Variants in MYO5B observed in about 807,000 individuals in gnomAD.
The protein encoded by MYO5B is unconventional myosin-Vb.
MYO5B carries 143 observed loss-of-function variants against 229.3 expected under a neutral mutation model. The observed-to-expected ratio is 0.62, with a 90% CI of 0.54 to 0.72. The LOEUF (loss-of-function observed/expected upper bound fraction) is 0.72, where lower values mean the gene tolerates loss of function less well. Among genes scored for constraint, MYO5B ranks in the 30% least tolerant of loss-of-function variants. MYO5B has a pLI of 0.00. For synonymous variants in MYO5B, 918 were observed against 885.2 expected (o/e 1.04, Z -0.66); for missense variants, 2,321 against 2,331.0 (o/e 1.00, Z 0.09).
At chr18:49,870,224 G>A (rs1181188203) in intron 27 of MYO5B, among the ~76,000 whole-genome samples, 4 of 152,192 alleles carry the variant, frequency 2.6e-5, no homozygotes, top group African/African-American at 9.7e-5. Flanking sequence ...ATGGTGCTGG[G>A]AAACCGGACA....
At chr18:49,892,074 A>G (rs943358312) in intron 22 of MYO5B, among the ~76,000 whole-genome samples, 5 of 152,192 alleles carry the variant, frequency 3.3e-5, no homozygotes, top group Admixed American at 1.3e-4. Context: ...CTCTGTGCCT[A>G]GGGCAGCCCT....
intron 33 of MYO5B, among the ~76,000 whole-genome samples, chr18:49,846,172 C>G (rs2024123581): frequency 6.6e-6 from 1 of 152,200 alleles, no homozygotes; most frequent in African/African-American, 2.4e-5. Context: ...AAAGCCAACC[C>G]TGATGAACTT....
intron 1 of MYO5B, among the ~76,000 whole-genome samples, chr18:50,076,022 C>A (rs2031070187): frequency 6.6e-6 from 1 of 152,156 alleles, no homozygotes; most frequent in Admixed American, 6.5e-5. Context: ...CAAGGAAAAC[C>A]CCTGTTAACC....
At chr18:50,003,443 A>G (rs959067968) in intron 4 of MYO5B, among the ~76,000 whole-genome samples, 2 of 152,316 alleles carry the variant, frequency 1.3e-5, no homozygotes, top group African/African-American at 4.8e-5. Context: ...CAACATTGAA[A>G]GGTAGCCTCT....
chr18:50,102,310 A>G (rs1234278786), intron 1 of MYO5B, among the ~76,000 whole-genome samples: 1 of 152,028 alleles, frequency 6.6e-6, no homozygotes, highest in Non-Finnish European at 1.5e-5. Context: ...CCACATACTT[A>G]TGTAACAAAC....
At chr18:50,018,350 T>C (rs564710834) in intron 4 of MYO5B, among the ~76,000 whole-genome samples, 112 of 152,256 alleles carry the variant, frequency 7.4e-4, no homozygotes, top group Admixed American at 1.8e-3. Context: ...TGCATTTGCA[T>C]GTATATTTTC....
chr18:50,114,907 T>A (rs1192695000), intron 1 of MYO5B, among the ~76,000 whole-genome samples: 1 of 152,304 alleles, frequency 6.6e-6, no homozygotes, highest in East Asian at 1.9e-4. Flanking sequence ...CAGACCAAAG[T>A]TGGGTGAAGC....
chr18:49,863,098 T>C (rs1033158747), intron 29 of MYO5B, 129 bp downstream of exon 29: 4 of 758,714 alleles, frequency 5.3e-6, no homozygotes, highest in Non-Finnish European at 9.2e-6. Context: ...AGTCTTTCTG[T>C]GTCCTCTAAT....
At chr18:49,895,232 A>T in intron 21 of MYO5B, 58 bp from the exon 22 acceptor site, 2 of 1,441,138 alleles carry the variant, frequency 1.4e-6, no homozygotes, top group Non-Finnish European at 1.9e-6. Flanking sequence ...AGAAAAGGTT[A>T]TTTTACCAGG....
chr18:50,063,216 G>A (rs985757958), intron 1 of MYO5B, among the ~76,000 whole-genome samples: 7 of 152,068 alleles, frequency 4.6e-5, no homozygotes, highest in Non-Finnish European at 7.4e-5. Context: ...CTCCCCCAGC[G>A]GCGAGCCATG....
At chr18:50,111,530 G>C (rs1261091145) in intron 1 of MYO5B, among the ~76,000 whole-genome samples, 1 of 152,132 alleles carries the variant, frequency 6.6e-6, no homozygotes, top group East Asian at 1.9e-4. Context: ...TGTTCCTTGG[G>C]TAAATTTAGA....
chr18:49,980,541 G>A lies in MYO5B; in HGVS notation c.959C>T (p.Ser320Phe). The A allele has an allele frequency of 6.2e-7, 1 of 1,611,836 alleles. No homozygotes were observed. Among genetic ancestry groups the A allele is most frequent in the Non-Finnish European group, 8.5e-7 (1 of 1,177,974 alleles). The change falls in exon 9 of 40, where the codon TCC (serine) becomes TTC (phenylalanine). Residue 320 changes from serine (S) to phenylalanine (F), a missense_variant. Ser to Phe is a radical substitution (Grantham distance 155). Coordinates refer to ENST00000285039, the MANE Select transcript of MYO5B (RefSeq NM_001080467.3). ...QAFTLLGVKE[S>F]HQMSIFKIIA... ...TATCTTAAAAATGCTCATCTGATGGGACTCTTTCACTCCTGGAAAAGAAAA... is the reference window on the plus strand; with the variant it reads ...TATCTTAAAAATGCTCATCTGATGGAACTCTTTCACTCCTGGAAAAGAAAA...
intron 17 of MYO5B, among the ~76,000 whole-genome samples, chr18:49,919,018 C>T (rs886152031): frequency 6.6e-6 from 1 of 152,166 alleles, no homozygotes; most frequent in Non-Finnish European, 1.5e-5. Context: ...AGGACTTGAC[C>T]TGATTACTTA....
intron 4 of MYO5B, among the ~76,000 whole-genome samples, chr18:50,008,712 A>G (rs1034223733): frequency 6.6e-6 from 1 of 152,208 alleles, no homozygotes; most frequent in African/African-American, 2.4e-5. Flanking sequence ...CCAAGCCACC[A>G]CAGAAAGGAC....
chr18:49,837,911 G>C (rs1439216341), intron 36 of MYO5B, 109 bp from the exon 37 acceptor site: 1 of 1,395,762 alleles, frequency 7.2e-7, no homozygotes, highest in Non-Finnish European at 1.0e-6. Flanking sequence ...ACCATCCAGA[G>C]GTGTGCAATG....
Position 49,853,663 on chromosome 18 carries a change from G to A in MYO5B, c.4023-16C>T. Reference sequence around the variant, plus strand: ...CTCCAGCAGCCTGTGCCAGGGAGAGGACAGGTGAGCACGTGGCCCAGGCCA... The same window carrying A: ...CTCCAGCAGCCTGTGCCAGGGAGAGAACAGGTGAGCACGTGGCCCAGGCCA... On this transcript the variant is annotated splice_polypyrimidine_tract_variant and intron_variant, in intron 30 of 39. Coordinates refer to ENST00000285039, the MANE Select transcript of MYO5B (RefSeq NM_001080467.3). The A allele has an allele frequency of 6.2e-7, 1 of 1,609,398 alleles. No homozygotes were observed. The highest frequency in any genetic ancestry group is 8.5e-7 in the Non-Finnish European group (1 of 1,179,456).
intron 3 of MYO5B, 108 bp from the exon 4 acceptor site, chr18:50,037,102 G>C: frequency 3.3e-6 from 4 of 1,229,712 alleles, no homozygotes; most frequent in Non-Finnish European, 4.7e-6. Flanking sequence ...AAGAATGAGA[G>C]GGCAGCAGAA....
intron 1 of MYO5B, among the ~76,000 whole-genome samples, chr18:50,088,092 G>A (rs528362237): frequency 1.3e-5 from 2 of 152,298 alleles, no homozygotes; most frequent in East Asian, 1.9e-4. Flanking sequence ...AGGGAAAGAA[G>A]CCAGCACCTG....
At chr18:49,989,215 A>G (rs1568060805) in intron 7 of MYO5B, among the ~76,000 whole-genome samples, 2 of 152,338 alleles carry the variant, frequency 1.3e-5, no homozygotes, top group South Asian at 2.1e-4. Context: ...CATTGAAGAT[A>G]CAGGGATTCA....
Sources: gnomAD v4.1 joint callset for allele counts (sites outside exome capture counted in the v4.1 genomes callset) on GRCh38, gnomAD v4.1.1 for gene constraint, MANE v1.5 for transcripts, NCBI Gene and HGNC (gene_info 2026-07-23, HGNC 2026-07-21) for gene names.